The following LRRC7 variants were observed in gnomAD, a reference collection of about 807,000 sequenced individuals.
LRRC7 encodes leucine rich repeat containing 7.
In LRRC7, 23 loss-of-function variants were observed where a neutral mutation model predicts 175.7. That is an observed-to-expected ratio of 0.13 (90% CI 0.09 to 0.19). The LOEUF (loss-of-function observed/expected upper bound fraction) is 0.19, where lower values mean the gene tolerates loss of function less well. Among genes scored for constraint, LRRC7 ranks in the 10% least tolerant of loss-of-function variants. The pLI is 1.00. For synonymous variants in LRRC7, 685 were observed against 680.9 expected (o/e 1.01, Z -0.09); for missense variants, 1,354 against 1,904.7 (o/e 0.71, Z 5.38).
intron 7 of LRRC7, chr1:69,919,610 C>T: frequency 1.2e-6 from 1 of 832,116 alleles, no homozygotes; most frequent in South Asian, 1.4e-5. Flanking sequence ...GGCCCTGGAG[C>T]TGATCAGCGG....
intron 7 of LRRC7, among the ~76,000 whole-genome samples, chr1:69,856,402 T>C (rs9662822): frequency 0.37 from 55,806 of 151,816 alleles, 12,569 homozygotes; most frequent in East Asian, 0.55. Context: ...AAGAATCAAT[T>C]AGATGCAATA....
At chr1:69,763,912 A>G (rs1671315421) in intron 3 of LRRC7, among the ~76,000 whole-genome samples, 1 of 152,030 alleles carries the variant, frequency 6.6e-6, no homozygotes, top group South Asian at 2.1e-4. Context: ...ATATGTATCT[A>G]TTCTTTGCTT....
At chr1:69,903,768 A>T (rs1008284639) in intron 7 of LRRC7, among the ~76,000 whole-genome samples, 3 of 152,152 alleles carry the variant, frequency 2.0e-5, no homozygotes, top group Admixed American at 6.5e-5. Context: ...CAGACTAATA[A>T]AGAAGAAAAG....
chr1:69,969,566 A>C (rs1486884353), intron 8 of LRRC7, among the ~76,000 whole-genome samples: 1 of 152,234 alleles, frequency 6.6e-6, no homozygotes, highest in East Asian at 1.9e-4. Flanking sequence ...GGCCTTGTCC[A>C]ACATGAAAAT....
chr1:69,683,268 C>T (rs981398867), intron 2 of LRRC7, among the ~76,000 whole-genome samples: 1 of 152,170 alleles, frequency 6.6e-6, no homozygotes, highest in Non-Finnish European at 1.5e-5. Flanking sequence ...TGACCTCCTA[C>T]ATATGTTTTG....
At chr1:69,897,177 T>C (rs1232215241) in intron 7 of LRRC7, among the ~76,000 whole-genome samples, 1 of 152,188 alleles carries the variant, frequency 6.6e-6, no homozygotes, top group Non-Finnish European at 1.5e-5. Context: ...TAGAATGTCA[T>C]ATCACATTGC....
intron 6 of LRRC7, among the ~76,000 whole-genome samples, chr1:69,835,773 G>A (rs910870338): frequency 2.0e-5 from 3 of 151,836 alleles, no homozygotes; most frequent in Admixed American, 2.0e-4. Context: ...CATCTGTCTA[G>A]GATATTGGTT....
chr1:69,793,021 A>G (rs928783431), intron 4 of LRRC7, among the ~76,000 whole-genome samples: 1 of 152,098 alleles, frequency 6.6e-6, no homozygotes, highest in Non-Finnish European at 1.5e-5. Context: ...CATCATTAAG[A>G]TAGTCAGTTA....
chr1:69,646,242 T>G (rs1654994633), intron 1 of LRRC7, among the ~76,000 whole-genome samples: 1 of 152,122 alleles, frequency 6.6e-6, no homozygotes, highest in Non-Finnish European at 1.5e-5. Context: ...TTTACTTTAT[T>G]ATTTTTTCCA....
At chr1:69,671,025 T>A (rs189228958) in intron 1 of LRRC7, among the ~76,000 whole-genome samples, 1 of 152,226 alleles carries the variant, frequency 6.6e-6, no homozygotes, top group Admixed American at 6.5e-5. Context: ...AGCTGGTACC[T>A]AAGGTGCAAG....
chr1:69,710,702 A>G (rs1664656122), intron 2 of LRRC7, among the ~76,000 whole-genome samples: 1 of 152,142 alleles, frequency 6.6e-6, no homozygotes, highest in Non-Finnish European at 1.5e-5. Context: ...ATGAACCCCT[A>G]GATTGTACTG....
intron 3 of LRRC7, among the ~76,000 whole-genome samples, chr1:69,781,694 A>AG (rs201731039): frequency 0.017 from 430 of 25,238 alleles, 37 homozygotes; most frequent in African/African-American, 0.094. Context: ...AAAAGAAGAA[A>AG]GAAAGAAAGA....
At chr1:69,834,570 TG>T (rs1389637447) in intron 5 of LRRC7, among the ~76,000 whole-genome samples, 3 of 152,132 alleles carry the variant, frequency 2.0e-5, no homozygotes, top group African/African-American at 7.2e-5. Context: ...GAGAGTAGCA[TG>T]GAAGTGGATA....
intron 7 of LRRC7, among the ~76,000 whole-genome samples, chr1:69,881,008 A>G (rs964114437): frequency 7.9e-5 from 12 of 152,226 alleles, no homozygotes; most frequent in African/African-American, 2.2e-4. Context: ...CCAAATGTCA[A>G]TGCCTCTTTG....
intron 8 of LRRC7, among the ~76,000 whole-genome samples, chr1:69,966,660 A>G (rs2101856775): frequency 6.6e-6 from 1 of 152,366 alleles, no homozygotes; most frequent in East Asian, 1.9e-4. Flanking sequence ...GTGAGTGCCC[A>G]AACCATGAAA....
At chr1:69,917,739 G>C (rs1263642330) in intron 7 of LRRC7, among the ~76,000 whole-genome samples, 2 of 152,232 alleles carry the variant, frequency 1.3e-5, no homozygotes, top group East Asian at 3.9e-4. Flanking sequence ...CCATTCATGA[G>C]AGTAGGACAA....
At chr1:69,821,420 T>C (rs1679282950) in intron 4 of LRRC7, among the ~76,000 whole-genome samples, 1 of 152,122 alleles carries the variant, frequency 6.6e-6, no homozygotes, top group Non-Finnish European at 1.5e-5. Flanking sequence ...GGCTCCAGAA[T>C]TTCTGGGATT....
chr1:69,973,397 A>G (rs762427482), intron 8 of LRRC7, among the ~76,000 whole-genome samples: 13 of 152,124 alleles, frequency 8.5e-5, no homozygotes, highest in Non-Finnish European at 1.9e-4. Flanking sequence ...GAACTTACTC[A>G]TGTAACCAAA....
intron 23 of LRRC7, among the ~76,000 whole-genome samples, chr1:70,055,210 T>TTGA (rs1661055238): frequency 6.6e-6 from 1 of 152,110 alleles, no homozygotes; most frequent in Non-Finnish European, 1.5e-5. Context: ...GGGCACCTGT[T>TTGA]TAGCGAGGAA....
Sources: allele counts gnomAD v4.1 joint callset (sites outside exome capture counted in the v4.1 genomes callset), GRCh38; gene constraint gnomAD v4.1.1; transcripts MANE v1.5; gene names NCBI Gene and HGNC (gene_info 2026-07-23, HGNC 2026-07-21).